The following DNAH3 variants were observed in gnomAD, a reference collection of about 807,000 sequenced individuals.
DNAH3 encodes the protein axonemal beta dynein heavy chain 3.
DNAH3 carries 332 observed loss-of-function variants against 432.5 expected under a neutral mutation model. The observed-to-expected ratio is 0.77, with a 90% CI of 0.70 to 0.84. The LOEUF (loss-of-function observed/expected upper bound fraction) is 0.84. Ranked by LOEUF, DNAH3 falls within the 40% of genes least tolerant of loss-of-function variation. The probability of loss-of-function intolerance (pLI) is 0.00; values close to 1 mark genes in which losing one functional copy is unlikely to be tolerated. For synonymous variants in DNAH3, 1,956 were observed against 1,900.2 expected (o/e 1.03, Z -0.76); for missense variants, 4,861 against 5,114.0 (o/e 0.95, Z 1.51).
At position 21,132,291 on chromosome 16, in the gene DNAH3, A is replaced by G. The variant is rs142267429; in HGVS notation, c.1082+1968T>C. 8.9e-4 allele frequency among the ~76,000 whole-genome samples: 135 copies of G among 152,326 alleles called. No homozygotes were observed. The East Asian group carries it at 0.014, about 16-fold the overall frequency. On this transcript the variant is annotated intron_variant, in intron 7 of 61. Coordinates refer to ENST00000261383, the Ensembl canonical transcript of DNAH3. ...TAGAGATCCTCCCAAAGCAAAATAC[A>G]TGAGCTACTAATAAGTTCGGCCAAT...
intron 18 of DNAH3, among the ~76,000 whole-genome samples, chr16:21,094,756 T>C (rs1381694649): frequency 6.6e-6 from 1 of 152,138 alleles, no homozygotes; most frequent in Non-Finnish European, 1.5e-5. Context: ...AGAATTATAG[T>C]TCCCATAATC....
At chr16:21,097,281 C>G (rs1363168584) in intron 18 of DNAH3, 74 bp downstream of exon 18, 1 of 1,566,646 alleles carries the variant, frequency 6.4e-7, no homozygotes, top group African/African-American at 1.4e-5. Context: ...AAGTGCAAAC[C>G]ATATTTCAGA....
rs746668048 is a variant in DNAH3 at position 21,022,106 on chromosome 16, A to T, written c.5647-6T>A. 10 of 1,613,778 alleles carry T rather than the reference A, an allele frequency of 6.2e-6. No individual in the cohort carries two copies. Among genetic ancestry groups the T allele is most frequent in the Non-Finnish European group, 8.5e-6 (10 of 1,179,932 alleles). ...CACATGAACATGTCATTGACCTGAG[A>T]GTAGAAACCTCCATGAGACTTGGAG... On this transcript the variant is annotated splice_region_variant and splice_polypyrimidine_tract_variant and intron_variant, in intron 39 of 61. Coordinates refer to ENST00000261383, the Ensembl canonical transcript of DNAH3.
chr16:21,042,064 C>A (rs768078082), exon 32 of DNAH3: 1 of 1,613,906 alleles, frequency 6.2e-7, no homozygotes, highest in Non-Finnish European at 8.5e-7. Context: ...GCCAGCATAC[C>A]CGGGGTTCAT....
chr16:21,066,186 G>A (rs1181905428), intron 24 of DNAH3, among the ~76,000 whole-genome samples: 1 of 150,686 alleles, frequency 6.6e-6, no homozygotes. Flanking sequence ...TTGGTAAACA[G>A]CAGGGAACTA....
rs2086818350 is a variant in DNAH3, at chr16:20,997,606, G to T, written c.6422-144C>A. The T allele has an allele frequency of 6.7e-6, 6 of 901,644 alleles. No homozygotes were observed. In the African/African-American group the frequency reaches 6.7e-5, roughly 10 times the overall value. The allele number at this position is 901,644 out of a possible 1,614,324, so 55.9% of individuals were successfully genotyped here. On this transcript the variant is annotated intron_variant, in intron 43 of 61. Transcript: ENST00000261383. ...TCCAGTTAGGGCTTAGTCAATGGAT[G>T]CCCTGACCAGATTGGAAGGGGTTTT...
chr16:20,981,940 A>G (rs1246422062), intron 49 of DNAH3, among the ~76,000 whole-genome samples: 3 of 149,002 alleles, frequency 2.0e-5, no homozygotes, highest in African/African-American at 2.4e-5. Flanking sequence ...ATACATACAT[A>G]AAGTGTATAA....
At chr16:21,058,093 G>T in exon 27 of DNAH3, 1 of 1,588,476 alleles carries the variant, frequency 6.3e-7, no homozygotes, top group Non-Finnish European at 8.6e-7. Flanking sequence ...TACCAGTAAG[G>T]TATTTTCCGC....
At chr16:21,153,157 A>G (rs1214566707) in intron 1 of DNAH3, among the ~76,000 whole-genome samples, 1 of 152,154 alleles carries the variant, frequency 6.6e-6, no homozygotes, top group Non-Finnish European at 1.5e-5. Flanking sequence ...TTGTGAATGC[A>G]CCAATCGACA....
chr16:21,090,635 A>C (rs758421985), intron 18 of DNAH3, among the ~76,000 whole-genome samples: 1 of 152,238 alleles, frequency 6.6e-6, no homozygotes, highest in Non-Finnish European at 1.5e-5. Context: ...GAAATAAGCC[A>C]GGCACAGAAA....
At chr16:20,962,084 C>T (rs2084848458) in intron 53 of DNAH3, among the ~76,000 whole-genome samples, 1 of 151,382 alleles carries the variant, frequency 6.6e-6, no homozygotes, top group Admixed American at 6.6e-5. Flanking sequence ...TTGCTTGAAC[C>T]CGAGAGGTGG....
At chr16:21,082,783 G>A (rs891504512) in intron 19 of DNAH3, among the ~76,000 whole-genome samples, 12 of 150,150 alleles carry the variant, frequency 8.0e-5, no homozygotes, top group East Asian at 2.0e-4. Flanking sequence ...AGCCGAGATC[G>A]CACCACTGCA....
At chr16:21,055,722 C>G (rs1266759130) in intron 27 of DNAH3, among the ~76,000 whole-genome samples, 2 of 151,218 alleles carry the variant, frequency 1.3e-5, no homozygotes, top group Non-Finnish European at 2.9e-5. Flanking sequence ...GAGTCTCAGT[C>G]TCCTGGTGTG....
chr16:21,064,290 G>T (rs1407976189), intron 24 of DNAH3, among the ~76,000 whole-genome samples: 1 of 152,170 alleles, frequency 6.6e-6, no homozygotes, highest in Non-Finnish European at 1.5e-5. Flanking sequence ...CTGTTGTCCA[G>T]CCAGTAGGAA....
intron 44 of DNAH3, among the ~76,000 whole-genome samples, chr16:20,992,006 A>G (rs1023259777): frequency 1.3e-5 from 2 of 152,236 alleles, no homozygotes; most frequent in Non-Finnish European, 2.9e-5. Flanking sequence ...CTATTTGGTT[A>G]TACAGTGGTA....
At chr16:21,097,216 G>A in intron 18 of DNAH3, 139 bp downstream of exon 18, 1 of 1,002,656 alleles carries the variant, frequency 1.0e-6, no homozygotes, top group Non-Finnish European at 1.5e-6. Flanking sequence ...AATTTTGACT[G>A]TGGCTGCCTT....
At chr16:21,065,342 G>A (rs2090508279) in intron 24 of DNAH3, among the ~76,000 whole-genome samples, 1 of 151,992 alleles carries the variant, frequency 6.6e-6, no homozygotes, top group Non-Finnish European at 1.5e-5. Context: ...TGTATTTTCA[G>A]TAGAGACAGG....
intron 37 of DNAH3, 112 bp downstream of exon 37, chr16:21,030,933 A>G (rs1349095284): frequency 2.7e-6 from 3 of 1,092,932 alleles, no homozygotes; most frequent in African/African-American, 3.2e-5. Flanking sequence ...TAATGTATAC[A>G]GAATACATAC....
intron 21 of DNAH3, among the ~76,000 whole-genome samples, chr16:21,072,594 T>C (rs2090830135): frequency 6.6e-6 from 1 of 151,978 alleles, no homozygotes; most frequent in African/African-American, 2.4e-5. Flanking sequence ...CCCAAAATGC[T>C]GGGATTACAA....
Sources: allele counts gnomAD v4.1 joint callset (sites outside exome capture counted in the v4.1 genomes callset), GRCh38; gene constraint gnomAD v4.1.1; transcripts MANE v1.5; gene names NCBI Gene and HGNC (gene_info 2026-07-23, HGNC 2026-07-21).